SVEP1: variants seen among roughly 807,000 people sequenced by gnomAD.
SVEP1 encodes the protein sushi, von Willebrand factor type A, EGF and pentraxin domain-containing protein 1.
SVEP1 carries 164 observed loss-of-function variants against 367.3 expected under a neutral mutation model. That is an observed-to-expected ratio of 0.45 (90% CI 0.39 to 0.51). SVEP1 has a LOEUF of 0.51. Among genes scored for constraint, SVEP1 ranks in the 20% least tolerant of loss-of-function variants. SVEP1 has a pLI of 0.00. For missense variants in SVEP1, 4,117 were observed against 4,425.3 expected, an observed-to-expected ratio of 0.93 and a Z score of 1.98; for synonymous variants, 1,666 against 1,611.6, an observed-to-expected ratio of 1.03 and a Z score of -0.81.
intron 18 of SVEP1, among the ~76,000 whole-genome samples, chr9:110,460,063 G>C (rs907591300): frequency 1.3e-5 from 2 of 151,984 alleles, no homozygotes; most frequent in Admixed American, 1.3e-4. Context: ...ATAATATAAG[G>C]TAATATATTT....
At position 110,513,993 on chromosome 9, in the gene SVEP1, A is replaced by G; in HGVS notation, c.1078T>C (p.Cys360Arg). The stretch of plus-strand genomic sequence containing the variant: ...GCCCTGTATCCCTCTCTGCAGACAC[A>G]GTCTTCAGGGGATGTGCTTCCAGGT... ...SPPGSTSPED[C>R]VCREGYRASG... The change falls in exon 4 of 48, where the codon TGT becomes CGT. Residue 360 changes from cysteine (C) to arginine (R), a missense_variant. Around this residue, in one of 4 missense-constraint regions of SVEP1, gnomAD observed 2,174 missense variants for 2,494.3 expected, o/e 0.87. Transcript: ENST00000374469. 1 of 1,613,136 alleles carries G rather than the reference A, an allele frequency of 6.2e-7. No individual in the cohort carries two copies. Among genetic ancestry groups the G allele is most frequent in the Non-Finnish European group, 8.5e-7 (1 of 1,179,536 alleles).
chr9:110,460,321 A>G (rs1391936957), intron 18 of SVEP1, among the ~76,000 whole-genome samples: 1 of 38,916 alleles, frequency 2.6e-5, no homozygotes, highest in African/African-American at 1.3e-4. Context: ...CATTATATCT[A>G]AAGATAAAAA....
At chr9:110,441,861 C>G (rs192392098) in intron 27 of SVEP1, among the ~76,000 whole-genome samples, 16 of 152,292 alleles carry the variant, frequency 1.1e-4, no homozygotes, top group Admixed American at 7.8e-4. Flanking sequence ...TTCCTGCCAT[C>G]TCCCCCATCC....
chr9:110,443,699 G>T lies in SVEP1; in HGVS notation c.4485C>A (p.Gly1495=), dbSNP rs1313465241. Residue 1495 remains glycine (G), a synonymous_variant, in exon 27 of 48, where the codon GGC becomes GGA. Transcript: ENST00000374469. ...AGGGACAGTTTGTTATCTTTTCCCT[G>T]CCATTCACATAAAGAACCCAGCTGT... ...DYNGWVLYVN[G]REKITNCPSV... 1 of 1,606,786 alleles carries T rather than the reference G, an allele frequency of 6.2e-7. No individual in the cohort carries two copies. The highest frequency in any genetic ancestry group is 1.7e-5 in the Admixed American group (1 of 59,152).
Position 110,407,321 on chromosome 9 carries a change from T to G in SVEP1, c.8279A>C (p.Asn2760Thr). Residue 2760 changes from asparagine to threonine, a missense_variant, in exon 38 of 48, where the codon AAT becomes ACT. By Grantham distance (65) the Asn-to-Thr change is moderately conservative (BLOSUM62 0). Transcript: ENST00000374469. ...TGGGGAGGCACCACTCCACTTTCTA[T>G]TCTCTAGACAAAGCCTTAAGTCAGA... Reference protein sequence around the residue: ...AGSDLRLCLENRKWSGASPRC... With the variant: ...AGSDLRLCLETRKWSGASPRC... 6.2e-7 allele frequency: 1 copy of G among 1,614,012 alleles called. No individual in the cohort carries two copies. Among genetic ancestry groups the G allele is most frequent in the Non-Finnish European group, 8.5e-7 (1 of 1,179,894 alleles).
chr9:110,518,462 T>C (rs1460662528), intron 3 of SVEP1, among the ~76,000 whole-genome samples: 2 of 150,244 alleles, frequency 1.3e-5, no homozygotes, highest in East Asian at 3.9e-4. Flanking sequence ...TAAAAGAGAG[T>C]ATTGTCTCAA....
intron 5 of SVEP1, among the ~76,000 whole-genome samples, chr9:110,504,170 T>C (rs552593097): frequency 1.3e-5 from 2 of 152,024 alleles, no homozygotes; most frequent in Admixed American, 1.3e-4. Context: ...TTCTCCTGCC[T>C]CAGCCTCCCG....
intron 36 of SVEP1, among the ~76,000 whole-genome samples, chr9:110,417,339 C>T (rs1043069062): frequency 8.7e-6 from 1 of 115,052 alleles, no homozygotes; most frequent in African/African-American, 3.4e-5. Context: ...CTTTCCCAGT[C>T]AAAGAAAGGG....
chr9:110,556,315 G>T (rs990460845), intron 1 of SVEP1, among the ~76,000 whole-genome samples: 26 of 152,232 alleles, frequency 1.7e-4, no homozygotes, highest in African/African-American at 5.8e-4. Context: ...GGTCTTGAAA[G>T]AAAAAGAGAG....
intron 1 of SVEP1, among the ~76,000 whole-genome samples, chr9:110,551,959 T>TG (rs1830292261): frequency 6.7e-6 from 1 of 149,334 alleles, no homozygotes; most frequent in Non-Finnish European, 1.5e-5. Flanking sequence ...TCTGGGATGG[T>TG]GGTACATCCC....
chr9:110,509,204 T>C (rs190979637), intron 5 of SVEP1, among the ~76,000 whole-genome samples: 1 of 152,228 alleles, frequency 6.6e-6, no homozygotes, highest in Non-Finnish European at 1.5e-5. Flanking sequence ...GATTTTAAGA[T>C]GCATCTCCAT....
rs747899335 is a variant in SVEP1, at chr9:110,445,874, C to T, written c.4426G>A (p.Gly1476Ser). 6.8e-6 allele frequency: 11 copies of T among 1,613,756 alleles called. No individual in the cohort carries two copies. Among genetic ancestry groups the T allele is most frequent in the Middle Eastern group, 1.6e-4 (1 of 6,082 alleles). ...GTPISYAVDN[G>S]SDNTLLLTDY... ...GTCAGGAGCAAGGTATTGTCGCTGC[C>T]GTTATCAACTGCATAGGAGATTGGT... The change falls in exon 26 of 48, where the codon GGC (glycine) becomes AGC (serine). Residue 1476 changes from glycine to serine, a missense_variant. Coordinates refer to ENST00000374469, the MANE Select transcript of SVEP1 (RefSeq NM_153366.4).
At chr9:110,390,109 GTATA>G (rs1364915106) in intron 40 of SVEP1, among the ~76,000 whole-genome samples, 1 of 102,872 alleles carries the variant, frequency 9.7e-6, no homozygotes, top group African/African-American at 3.6e-5. Flanking sequence ...ACTTATATAA[GTATA>G]TATACATACA....
At chr9:110,573,133 A>G (rs982662484) in intron 1 of SVEP1, among the ~76,000 whole-genome samples, 1 of 152,064 alleles carries the variant, frequency 6.6e-6, no homozygotes, top group Non-Finnish European at 1.5e-5. Flanking sequence ...CTGAGTGTGG[A>G]ACAACTGAGT....
chr9:110,384,126 C>T (rs995187394), intron 43 of SVEP1, among the ~76,000 whole-genome samples: 3 of 152,170 alleles, frequency 2.0e-5, no homozygotes, highest in African/African-American at 4.8e-5. Context: ...CAAGAATCTA[C>T]ACAGCTCTGT....
At chr9:110,447,315 G>C (rs1471498656) in intron 24 of SVEP1, among the ~76,000 whole-genome samples, 1 of 152,148 alleles carries the variant, frequency 6.6e-6, no homozygotes, top group East Asian at 1.9e-4. Context: ...CATACATTGT[G>C]GTTTCTCTCC....
chr9:110,405,933 TG>T (rs1564132878), intron 38 of SVEP1, among the ~76,000 whole-genome samples: 2 of 152,224 alleles, frequency 1.3e-5, no homozygotes, highest in Non-Finnish European at 2.9e-5. Flanking sequence ...ATGATAGTCA[TG>T]ATAATTATAT....
At chr9:110,550,503 T>TATC (rs1830271854) in intron 1 of SVEP1, among the ~76,000 whole-genome samples, 1 of 151,326 alleles carries the variant, frequency 6.6e-6, no homozygotes, top group South Asian at 2.1e-4. Context: ...TCTATCTATC[T>TATC]ATCTATCTAT....
Position 110,411,713 on chromosome 9 carries a change from T to C in SVEP1, c.5998A>G (p.Thr2000Ala). The C allele has an allele frequency of 1.9e-6, 3 of 1,585,444 alleles. No homozygotes were observed. Among genetic ancestry groups the C allele is most frequent in the Non-Finnish European group, 2.6e-6 (3 of 1,165,758 alleles). Reference protein sequence around the residue: ...KEGYTLAGLDTIECLADGKWS... With the variant: ...KEGYTLAGLDAIECLADGKWS... The stretch of plus-strand genomic sequence containing the variant: ...TTGCCGTCGGCCAGGCATTCAATGG[T>C]GTCAAGACCAGCAAGAGTATAGCTG... The change falls in exon 37 of 48, where the codon ACC (threonine) becomes GCC (alanine). Residue 2000 changes from threonine to alanine, a missense_variant. Physicochemically the swap from Thr to Ala is moderately conservative, Grantham distance 58 (BLOSUM62 0). Coordinates refer to ENST00000374469, the MANE Select transcript of SVEP1 (RefSeq NM_153366.4).
Sources: gnomAD v4.1 joint callset for allele counts (sites outside exome capture counted in the v4.1 genomes callset) on GRCh38, gnomAD v4.1.1 for gene constraint, gnomAD v4.1.1 regional missense constraint, MANE v1.5 for transcripts, NCBI Gene and HGNC (gene_info 2026-07-23, HGNC 2026-07-21) for gene names.